The following JARID2 variants were observed in gnomAD, a reference collection of about 807,000 sequenced individuals.
The protein encoded by JARID2 is jumonji and AT-rich interaction domain containing 2.
In JARID2, 21 loss-of-function variants were observed where a neutral mutation model predicts 125.6. The observed-to-expected ratio is 0.17, with a 90% CI of 0.12 to 0.24. The LOEUF is 0.24. Ranked by LOEUF, JARID2 falls within the 10% of genes least tolerant of loss-of-function variation. The pLI is 1.00. For missense variants in JARID2, 1,303 were observed against 1,639.6 expected, an observed-to-expected ratio of 0.79 and a Z score of 3.55; for synonymous variants, 736 against 661.6, an observed-to-expected ratio of 1.11 and a Z score of -1.73.
chr6:15,246,340 G>A lies in JARID2; in HGVS notation c.-200G>A. On this transcript the variant is annotated 5_prime_UTR_variant, in exon 1 of 18. Transcript: ENST00000341776. The stretch of plus-strand genomic sequence containing the variant: ...TTTTTTGTTTGCTTCGTTCGTCTTT[G>A]GCTCTTTTTTTTTCCTTCCCAATTT... 3.6e-6 allele frequency: 2 copies of A among 555,206 alleles called. No homozygotes were observed. Among genetic ancestry groups the A allele is most frequent in the Non-Finnish European group, 6.3e-6 (2 of 315,202 alleles). 34.4% of individuals were successfully genotyped at this position (555,206 alleles called of 1,614,324 possible). A position where few individuals can be genotyped will look rare whatever the true frequency, so the allele number is the denominator to read the frequency against.
At chr6:15,258,420 T>G (rs1417490546) in intron 1 of JARID2, among the ~76,000 whole-genome samples, 1 of 152,208 alleles carries the variant, frequency 6.6e-6, no homozygotes, top group Non-Finnish European at 1.5e-5. Context: ...GAATTGTGCC[T>G]TCATTATTGG....
intron 3 of JARID2, among the ~76,000 whole-genome samples, chr6:15,417,720 G>A (rs1766296387): frequency 6.6e-6 from 1 of 151,858 alleles, no homozygotes; most frequent in Non-Finnish European, 1.5e-5. Context: ...CCATCCTGGG[G>A]GACAGATCCA....
intron 4 of JARID2, among the ~76,000 whole-genome samples, chr6:15,455,456 C>T (rs1210302403): frequency 6.6e-6 from 1 of 152,132 alleles, no homozygotes; most frequent in Non-Finnish European, 1.5e-5. Flanking sequence ...TGGGATATAA[C>T]ACTAGAACTT....
chr6:15,309,864 C>T (rs1761956512), intron 1 of JARID2, among the ~76,000 whole-genome samples: 1 of 151,916 alleles, frequency 6.6e-6, no homozygotes, highest in South Asian at 2.1e-4. Context: ...TGAGAAGTGG[C>T]TTGGAAGAGT....
Position 15,492,288 on chromosome 6 carries a change from G to A in JARID2, c.907-3844G>A, listed in dbSNP as rs143046865. ...CTGAAATGTATTGTCATTCAATGGA[G>A]GGTCCTGCTGTAGCCCACGTCGGCG... is the stretch of plus-strand genomic sequence containing the variant. On this transcript the variant is annotated intron_variant, in intron 6 of 17. Transcript: ENST00000341776. 1.9e-3 allele frequency among the ~76,000 whole-genome samples: 283 copies of A among 152,336 alleles called. 3 individuals carry two copies. The Middle Eastern group carries it at 0.024, about 13-fold the overall frequency.
intron 1 of JARID2, among the ~76,000 whole-genome samples, chr6:15,255,004 C>CA (rs202002954): frequency 4.0e-4 from 57 of 141,652 alleles, no homozygotes; most frequent in African/African-American, 6.0e-4. Flanking sequence ...ACTCTGTCTC[C>CA]AAAAAAAACA....
intron 1 of JARID2, among the ~76,000 whole-genome samples, chr6:15,285,875 T>G (rs62397316): frequency 7.3e-6 from 1 of 136,500 alleles, no homozygotes; most frequent in Non-Finnish European, 1.7e-5. Context: ...AAACATGCAT[T>G]ATGTATCACA....
At chr6:15,444,485 C>G (rs1308301262) in intron 3 of JARID2, among the ~76,000 whole-genome samples, 43 of 152,174 alleles carry the variant, frequency 2.8e-4, no homozygotes, top group Non-Finnish European at 2.9e-5. Flanking sequence ...TTGCCCGACC[C>G]CCCACAACCT....
intron 1 of JARID2, among the ~76,000 whole-genome samples, chr6:15,332,998 C>G (rs1762767142): frequency 7.9e-6 from 1 of 126,282 alleles, no homozygotes; most frequent in Non-Finnish European, 1.6e-5. Flanking sequence ...GTGGCCCCAT[C>G]TCTGCTAACT....
chr6:15,516,047 C>T (rs1041249654), intron 16 of JARID2, among the ~76,000 whole-genome samples: 15 of 150,546 alleles, frequency 1.0e-4, no homozygotes, highest in Admixed American at 2.0e-4. Context: ...TGGGGTTTGA[C>T]TTATACGTTG....
At chr6:15,282,539 T>TC (rs1491341296) in intron 1 of JARID2, among the ~76,000 whole-genome samples, 1 of 152,048 alleles carries the variant, frequency 6.6e-6, no homozygotes, top group African/African-American at 2.4e-5. Context: ...GTTCTCTCTC[T>TC]TTCTCTCTCT....
chr6:15,315,145 A>G (rs1314221154), intron 1 of JARID2: 1 of 152,248 alleles, frequency 6.6e-6, no homozygotes, highest in African/African-American at 2.4e-5. Context: ...ACTAAATAAT[A>G]CGTATATTAA....
intron 16 of JARID2, among the ~76,000 whole-genome samples, chr6:15,514,899 G>GT (rs1000229320): frequency 1.3e-5 from 2 of 152,062 alleles, no homozygotes; most frequent in African/African-American, 4.8e-5. Flanking sequence ...CTTCTGTCTG[G>GT]TTTTTTCCCC....
intron 1 of JARID2, among the ~76,000 whole-genome samples, chr6:15,348,617 A>G (rs1211746153): frequency 6.6e-6 from 1 of 152,130 alleles, no homozygotes; most frequent in African/African-American, 2.4e-5. Context: ...CTCTTCAGTT[A>G]TACTTGAAAA....
intron 1 of JARID2, chr6:15,249,021 G>A: frequency 1.1e-6 from 1 of 921,826 alleles, no homozygotes; most frequent in Non-Finnish European, 1.3e-6. Context: ...CTGTTCTGAT[G>A]CCACTTGGGA....
chr6:15,336,608 A>G (rs1488826728), intron 1 of JARID2, among the ~76,000 whole-genome samples: 1 of 148,920 alleles, frequency 6.7e-6, no homozygotes, highest in Non-Finnish European at 1.5e-5. Context: ...TACCCCCTTC[A>G]GTGTTCTAAT....
chr6:15,292,911 C>T (rs1173674105), intron 1 of JARID2, among the ~76,000 whole-genome samples: 1 of 152,208 alleles, frequency 6.6e-6, no homozygotes, highest in Non-Finnish European at 1.5e-5. Context: ...TCAGGCGATC[C>T]TCCTGCCTCC....
At chr6:15,271,160 G>A (rs1045334148) in intron 1 of JARID2, among the ~76,000 whole-genome samples, 3 of 152,074 alleles carry the variant, frequency 2.0e-5, no homozygotes, top group East Asian at 1.9e-4. Flanking sequence ...ATACTTGTCC[G>A]ATTGGAGATT....
At chr6:15,454,343 A>G (rs544687725) in intron 4 of JARID2, among the ~76,000 whole-genome samples, 2 of 152,342 alleles carry the variant, frequency 1.3e-5, no homozygotes, top group South Asian at 4.1e-4. Flanking sequence ...TTCTTAACAC[A>G]TAAGAAAGGA....
Sources: allele counts gnomAD v4.1 joint callset (sites outside exome capture counted in the v4.1 genomes callset), GRCh38; gene constraint gnomAD v4.1.1; transcripts MANE v1.5; gene names NCBI Gene and HGNC (gene_info 2026-07-23, HGNC 2026-07-21).